Variants in TMA7B observed in about 807,000 individuals in gnomAD.
TMA7B encodes the protein translation machinery-associated protein 7B.
At chr22:39,964,524 G>T in the TMA7B span, 1 of 903,678 alleles carries the variant, frequency 1.1e-6, no homozygotes, top group East Asian at 2.4e-5. Flanking sequence ...TCGTGGGGAA[G>T]GGGCCTCTGG....
At chr22:39,961,484 C>T in the TMA7B span, among the ~76,000 whole-genome samples, 2 of 152,198 alleles carry the variant, frequency 1.3e-5, no homozygotes, top group Admixed American at 6.5e-5. Context: ...CAACACAGTA[C>T]AGTACAGCAA....
At chr22:39,964,715 T>TAAAA in the TMA7B span, 40,924 of 305,362 alleles carry the variant, frequency 0.13, 4,291 homozygotes, top group African/African-American at 0.25. Context: ...TAAACTTTTG[T>TAAAA]AAAAAAAAAA....
At chr22:39,962,861 G>A in the TMA7B span, among the ~76,000 whole-genome samples, 1 of 152,022 alleles carries the variant, frequency 6.6e-6, no homozygotes, top group African/African-American at 2.4e-5. Context: ...TAGAGACGGG[G>A]TTTCGTCATG....
chr22:39,961,244 A>G, the TMA7B span, among the ~76,000 whole-genome samples: 1 of 151,848 alleles, frequency 6.6e-6, no homozygotes, highest in Admixed American at 6.6e-5. Flanking sequence ...TCTCTGACCC[A>G]CTGTGGGGAA....
At chr22:39,961,351 T>G in the TMA7B span, among the ~76,000 whole-genome samples, 1 of 152,330 alleles carries the variant, frequency 6.6e-6, no homozygotes, top group African/African-American at 2.4e-5. Context: ...CTTCCAAGGC[T>G]GCTTCTGAAA....
the TMA7B span, among the ~76,000 whole-genome samples, chr22:39,963,258 G>A: frequency 2.0e-5 from 3 of 152,144 alleles, no homozygotes; most frequent in Non-Finnish European, 2.9e-5. Context: ...GGAGTCCAGC[G>A]CCCTGAGTCG....
the TMA7B span, among the ~76,000 whole-genome samples, chr22:39,962,713 A>T: frequency 6.6e-6 from 1 of 151,992 alleles, no homozygotes; most frequent in South Asian, 2.1e-4. Context: ...GCTGGAGTGC[A>T]GTGGCGCAAT....
chr22:39,961,094 C>T, the TMA7B span, among the ~76,000 whole-genome samples: 3 of 151,924 alleles, frequency 2.0e-5, no homozygotes, highest in Admixed American at 1.3e-4. Flanking sequence ...TACAGGTGCA[C>T]ACCACCACAC....
At chr22:39,964,368 A>G in the TMA7B span, 1 of 721,898 alleles carries the variant, frequency 1.4e-6, no homozygotes, top group Non-Finnish European at 2.5e-6. Context: ...AAGGGGCGGC[A>G]GGCGCCATGT....
the TMA7B span, chr22:39,960,516 G>A: frequency 4.4e-6 from 1 of 225,096 alleles, no homozygotes; most frequent in East Asian, 9.3e-5. Flanking sequence ...GAGTATTTGT[G>A]GAAGGAAGGA....
chr22:39,962,576 T>C, the TMA7B span, among the ~76,000 whole-genome samples: 2 of 152,200 alleles, frequency 1.3e-5, no homozygotes, highest in Non-Finnish European at 2.9e-5. Context: ...CCAAGTAATT[T>C]GTTAGACTGA....
the TMA7B span, chr22:39,964,616 AT>A: frequency 1.4e-6 from 1 of 709,784 alleles, no homozygotes. Context: ...TTTCATCCGT[AT>A]TTAAACCTCT....
chr22:39,964,744 G>A, the TMA7B span: 17 of 483,166 alleles, frequency 3.5e-5, no homozygotes, highest in East Asian at 4.7e-4. Context: ...ATCTTCCAGT[G>A]GCTCATCATC....
the TMA7B span, chr22:39,964,352 C>G: frequency 1.4e-6 from 1 of 712,920 alleles, no homozygotes; most frequent in East Asian, 2.6e-5. Context: ...GTGGCAGGGT[C>G]TGGGGAAGGG....
At chr22:39,963,719 C>T in the TMA7B span, among the ~76,000 whole-genome samples, 1 of 152,170 alleles carries the variant, frequency 6.6e-6, no homozygotes, top group East Asian at 1.9e-4. Context: ...CTAAATCCAT[C>T]CCTAAGAAAC....
the TMA7B span, among the ~76,000 whole-genome samples, chr22:39,963,381 TAAAAGGGTC>T: frequency 6.6e-6 from 1 of 152,064 alleles, no homozygotes; most frequent in South Asian, 2.1e-4. Context: ...CTTATGAGAG[TAAAAGGGTC>T]AATGTTTCAC....
At chr22:39,961,828 G>T in the TMA7B span, among the ~76,000 whole-genome samples, 3 of 152,318 alleles carry the variant, frequency 2.0e-5, no homozygotes, top group South Asian at 6.2e-4. Flanking sequence ...TTTGTTTTAA[G>T]GACAGAAATC....
the TMA7B span, chr22:39,964,602 T>G: frequency 1.3e-6 from 1 of 749,744 alleles, no homozygotes; most frequent in Non-Finnish European, 2.4e-6. Context: ...ACGGTGACCC[T>G]TTATTTCATC....
the TMA7B span, chr22:39,963,866 C>T: frequency 6.5e-6 from 1 of 153,304 alleles, no homozygotes; most frequent in Non-Finnish European, 1.4e-5. Flanking sequence ...AAATACAAAA[C>T]TTAGCCGGGC....
Sources: gnomAD v4.1 joint callset for allele counts (sites outside exome capture counted in the v4.1 genomes callset) on GRCh38, gnomAD v4.1.1 for gene constraint, MANE v1.5 for transcripts, NCBI Gene and HGNC (gene_info 2026-07-23, HGNC 2026-07-21) for gene names.